The following IGSF5 variants were observed in gnomAD, a reference collection of about 807,000 sequenced individuals.
IGSF5 encodes immunoglobulin superfamily member 5.
Under a neutral mutation model 39.4 loss-of-function variants are expected in IGSF5, and 41 were observed. The ratio of observed to expected loss-of-function variants is 1.04; its 90% CI spans 0.81 to 1.35. The LOEUF is 1.35. IGSF5 is among the 40% of genes most tolerant of loss of function. The probability of loss-of-function intolerance (pLI) is 0.00; values close to 1 mark genes in which losing one functional copy is unlikely to be tolerated. For synonymous variants in IGSF5, 183 were observed against 175.3 expected (o/e 1.04, Z -0.34); for missense variants, 487 against 494.6 (o/e 0.98, Z 0.15).
the IGSF5 span, among the ~76,000 whole-genome samples, chr21:39,713,238 C>T: frequency 8.6e-4 from 131 of 152,260 alleles, 4 homozygotes; most frequent in South Asian, 0.025. Context: ...GAGAGTGTCT[C>T]GGACACCTGC....
chr21:39,758,726 A>G (rs1457274481), intron 2 of IGSF5, among the ~76,000 whole-genome samples: 1 of 152,184 alleles, frequency 6.6e-6, no homozygotes, highest in Non-Finnish European at 1.5e-5. Context: ...TATACTATAC[A>G]TAGGGGTGCT....
At chr21:39,746,124 C>T (rs1002915016) in intron 1 of IGSF5, 92 bp from the exon 2 acceptor site, 61 of 695,846 alleles carry the variant, frequency 8.8e-5, no homozygotes, top group Admixed American at 8.2e-4. Flanking sequence ...GTGTTTAGCT[C>T]GATTAGGATG....
rs375661750 is a variant in IGSF5 at position 39,792,093 on chromosome 21, A to G, written c.1042A>G (p.Thr348Ala). The change falls in exon 7 of 9, where the codon ACC (threonine) becomes GCC (alanine). Residue 348 changes from threonine to alanine, a missense_variant. By Grantham distance (58) the Thr-to-Ala change is moderately conservative (BLOSUM62 0). Coordinates refer to ENST00000380588, the MANE Select transcript of IGSF5 (RefSeq NM_001080444.2). ...CGGCTACAATTCAGATGAACAAAAG[A>G]CCACAGGTGAGTAGACAAGAGGGGT... is the stretch of plus-strand genomic sequence containing the variant. ...NSGYNSDEQKTTDTASLPPKS... is the reference protein window; with the variant it reads ...NSGYNSDEQKATDTASLPPKS... The G allele has an allele frequency of 3.9e-5, 63 of 1,605,760 alleles. 1 individual carries two copies. Among genetic ancestry groups the G allele is most frequent in the Non-Finnish European group, 5.3e-5 (62 of 1,174,688 alleles).
the IGSF5 span, among the ~76,000 whole-genome samples, chr21:39,737,778 G>T: frequency 6.6e-6 from 1 of 152,136 alleles, no homozygotes; most frequent in Non-Finnish European, 1.5e-5. Context: ...GGGCAAAAAG[G>T]GTTTGGTCTA....
chr21:39,720,222 A>G, the IGSF5 span, among the ~76,000 whole-genome samples: 1 of 152,178 alleles, frequency 6.6e-6, no homozygotes, highest in East Asian at 1.9e-4. Context: ...CACAGTTCAC[A>G]ATAGGGTTCA....
chr21:39,730,881 C>A, the IGSF5 span, among the ~76,000 whole-genome samples: 1 of 152,204 alleles, frequency 6.6e-6, no homozygotes, highest in East Asian at 1.9e-4. Flanking sequence ...ATGCAATAGT[C>A]ACTAATGGGA....
In IGSF5 at chr21:39,765,715, C is replaced by G. The variant is rs528886601; in HGVS notation, c.281C>G (p.Thr94Ser). The change falls in exon 3 of 9, where the codon ACC becomes AGC. Residue 94 changes from threonine (T) to serine (S), a missense_variant. Coordinates refer to ENST00000380588, the MANE Select transcript of IGSF5 (RefSeq NM_001080444.2). ...CCCATCATCACCAATGACCGCTTCA[C>G]CTCTCAGAGGTACGACCAGGGCGGG... ...MEPIITNDRFTSQRYDQGGNF... is the reference protein window; with the variant it reads ...MEPIITNDRFSSQRYDQGGNF... 6.1e-5 allele frequency: 98 copies of G among 1,614,122 alleles called. No individual in the cohort carries two copies. The East Asian group carries it at 2.0e-3, about 32-fold the overall frequency.
At chr21:39,750,378 C>T (rs1194441667) in intron 2 of IGSF5, among the ~76,000 whole-genome samples, 1 of 152,042 alleles carries the variant, frequency 6.6e-6, no homozygotes, top group Non-Finnish European at 1.5e-5. Flanking sequence ...TGTGGTGGCT[C>T]CCACCTGTAA....
chr21:39,760,616 G>C lies in IGSF5; in HGVS notation c.101-4919G>C, dbSNP rs573148301. Reference sequence around the variant, plus strand: ...AGACGGAGTCTCACTCTGTCGTCAGGCTGGAGTTCAGTGACGTGATCTCGG... The same window carrying C: ...AGACGGAGTCTCACTCTGTCGTCAGCCTGGAGTTCAGTGACGTGATCTCGG... On this transcript the variant is annotated intron_variant, in intron 2 of 8. Coordinates refer to ENST00000380588, the MANE Select transcript of IGSF5 (RefSeq NM_001080444.2). Among the ~76,000 whole-genome samples the C allele has an allele frequency of 7.2e-5, 11 of 152,088 alleles. No homozygotes were observed. In the East Asian group the frequency reaches 1.7e-3, roughly 24 times the overall value.
intron 2 of IGSF5, among the ~76,000 whole-genome samples, chr21:39,755,314 C>T (rs984663943): frequency 1.3e-5 from 2 of 152,180 alleles, no homozygotes; most frequent in Admixed American, 6.5e-5. Flanking sequence ...TGACCTGGTG[C>T]GGTGGCTCAT....
At chr21:39,795,894 A>G (rs544308389) in intron 8 of IGSF5, among the ~76,000 whole-genome samples, 1 of 152,264 alleles carries the variant, frequency 6.6e-6, no homozygotes, top group East Asian at 1.9e-4. Context: ...AAGTTGAATT[A>G]TCTTTGTCTG....
intron 3 of IGSF5, 34 bp from the exon 4 acceptor site, chr21:39,770,882 T>TG (rs754987269): frequency 7.3e-7 from 1 of 1,365,442 alleles, no homozygotes; most frequent in East Asian, 2.6e-5. Context: ...GGCATGGTCA[T>TG]GTCTTCAATG....
At chr21:39,793,850 T>C (rs466758) in intron 8 of IGSF5, among the ~76,000 whole-genome samples, 31,132 of 152,104 alleles carry the variant, frequency 0.2, 4,330 homozygotes, top group Non-Finnish European at 0.31. Context: ...CAGCTCTGGG[T>C]TCACATTTTG....
the IGSF5 span, among the ~76,000 whole-genome samples, chr21:39,737,492 C>T: frequency 1.4e-3 from 210 of 152,300 alleles, 2 homozygotes; most frequent in East Asian, 0.031. Flanking sequence ...AACTTCTGAC[C>T]GACCGGCTTC....
At chr21:39,784,863 C>G (rs1424509536) in intron 5 of IGSF5, among the ~76,000 whole-genome samples, 1 of 152,130 alleles carries the variant, frequency 6.6e-6, no homozygotes, top group Non-Finnish European at 1.5e-5. Context: ...AGAGATTTCT[C>G]AGTAAGCCGA....
the IGSF5 span, among the ~76,000 whole-genome samples, chr21:39,713,984 C>T: frequency 4.6e-5 from 7 of 152,352 alleles, no homozygotes; most frequent in Admixed American, 6.5e-5. Context: ...CACAAGGTCC[C>T]GGTCTTTTCA....
At chr21:39,762,867 T>A (rs1371620801) in intron 2 of IGSF5, among the ~76,000 whole-genome samples, 2 of 152,074 alleles carry the variant, frequency 1.3e-5, no homozygotes, top group Non-Finnish European at 2.9e-5. Context: ...CAGCCATTGG[T>A]CCTTAGTGAC....
At chr21:39,737,859 G>A in the IGSF5 span, among the ~76,000 whole-genome samples, 3 of 152,136 alleles carry the variant, frequency 2.0e-5, no homozygotes, top group African/African-American at 4.8e-5. Context: ...CAAGGGATGC[G>A]GCAGGACCCT....
chr21:39,772,719 G>A (rs928191000), intron 4 of IGSF5, among the ~76,000 whole-genome samples: 8 of 152,078 alleles, frequency 5.3e-5, no homozygotes, highest in African/African-American at 1.9e-4. Flanking sequence ...GGATCAATTT[G>A]GATCAATTTG....
Sources: gnomAD v4.1 joint callset for allele counts (sites outside exome capture counted in the v4.1 genomes callset) on GRCh38, gnomAD v4.1.1 for gene constraint, MANE v1.5 for transcripts, NCBI Gene and HGNC (gene_info 2026-07-23, HGNC 2026-07-21) for gene names.